The following PTPN13 variants were observed in gnomAD, a reference collection of about 807,000 sequenced individuals.
PTPN13 encodes the protein tyrosine-protein phosphatase non-receptor type 13.
Under a neutral mutation model 284.0 loss-of-function variants are expected in PTPN13, and 191 were observed. The ratio of observed to expected loss-of-function variants is 0.67; its 90% CI spans 0.60 to 0.76. The LOEUF is 0.76. PTPN13 is among the 30% of genes least tolerant of loss of function. The pLI is 0.00. For missense variants in PTPN13, 2,797 were observed against 2,939.9 expected, an observed-to-expected ratio of 0.95 and a Z score of 1.12; for synonymous variants, 986 against 1,022.3, an observed-to-expected ratio of 0.96 and a Z score of 0.68.
At chr4:86,751,889 TAGC>T (rs1208950729) in intron 19 of PTPN13, among the ~76,000 whole-genome samples, 3 of 152,090 alleles carry the variant, frequency 2.0e-5, no homozygotes, top group East Asian at 3.9e-4. Context: ...TTCTCCCAGA[TAGC>T]AGGGCATATT....
intron 8 of PTPN13, 123 bp downstream of exon 8, chr4:86,716,748 T>G: frequency 1.2e-6 from 1 of 801,414 alleles, no homozygotes; most frequent in East Asian, 2.7e-5. Flanking sequence ...TTGAAAAATT[T>G]AAAAAAGCTG....
intron 7 of PTPN13, among the ~76,000 whole-genome samples, chr4:86,712,231 G>A (rs3775238): frequency 0.15 from 22,359 of 151,636 alleles, 2,068 homozygotes; most frequent in East Asian, 0.27. Flanking sequence ...AAGAAAAATA[G>A]TTAGTAATGT....
chr4:86,665,714 C>T (rs1368769114), intron 2 of PTPN13, among the ~76,000 whole-genome samples: 4 of 152,026 alleles, frequency 2.6e-5, no homozygotes, highest in African/African-American at 7.2e-5. Flanking sequence ...TTTTTTTCTA[C>T]GTAAAAGATG....
At chr4:86,772,489 G>A (rs1423667530) in intron 31 of PTPN13, among the ~76,000 whole-genome samples, 2 of 152,116 alleles carry the variant, frequency 1.3e-5, no homozygotes, top group African/African-American at 2.4e-5. Context: ...GGGAGGCAGA[G>A]GCTGCAGTGA....
chr4:86,709,466 T>G (rs1189768704), intron 7 of PTPN13, among the ~76,000 whole-genome samples: 1 of 152,186 alleles, frequency 6.6e-6, no homozygotes, highest in Non-Finnish European at 1.5e-5. Flanking sequence ...ACAATGTGGC[T>G]ATTAAAGAAT....
rs1565481236 is a variant in PTPN13, at chr4:86,750,473, G to C, written c.2654G>C (p.Arg885Thr). Residue 885 changes from arginine to threonine, a missense_variant, in exon 18 of 48, where the codon AGA (arginine) becomes ACA (threonine). Physicochemically the swap from Arg to Thr is moderately conservative, Grantham distance 71 (BLOSUM62 -1). Transcript: ENST00000411767. ...AAGCAATCCTATTTCCTTGTAGAGA[G>C]AGCTTCGTTTAGGAGCCTGAATCTC... The part of the protein sequence containing the change: ...QSNQDAQDIE[R>T]ASFRSLNLQA... 1.2e-6 allele frequency: 2 copies of C among 1,610,960 alleles called. No individual in the cohort carries two copies. The highest frequency in any genetic ancestry group is 1.7e-5 in the Admixed American group (1 of 59,656).
At position 86,701,592 on chromosome 4, in the gene PTPN13, T is replaced by C. The variant is rs373363354; in HGVS notation, c.986T>C (p.Val329Ala). ...TATCGTCGTTGTCACCCTGAGGCAGTAACAGTGCGGACTTCAACTACTCCT... is the reference window on the plus strand; with the variant it reads ...TATCGTCGTTGTCACCCTGAGGCAGCAACAGTGCGGACTTCAACTACTCCT... ...ATYRRCHPEAVTVRTSTTPRK... is the reference protein window; with the variant it reads ...ATYRRCHPEAATVRTSTTPRK... Residue 329 changes from valine to alanine, a missense_variant, in exon 7 of 48, where the codon GTA becomes GCA. Transcript: ENST00000411767. 1.7e-5 allele frequency: 27 copies of C among 1,613,778 alleles called. No homozygotes were observed. In the Middle Eastern group the frequency reaches 4.9e-4, roughly 29 times the overall value.
chr4:86,618,850 G>T (rs572158738), intron 1 of PTPN13, among the ~76,000 whole-genome samples: 1 of 152,030 alleles, frequency 6.6e-6, no homozygotes, highest in African/African-American at 2.4e-5. Flanking sequence ...GGTTTTCTAG[G>T]TATACAATCA....
Position 86,635,256 on chromosome 4 carries a change from T to C in PTPN13, c.-1T>C. The C allele has an allele frequency of 6.3e-7, 1 of 1,595,176 alleles. No individual in the cohort carries two copies. The highest frequency in any genetic ancestry group is 1.1e-5 in the South Asian group (1 of 87,372). On this transcript the variant is annotated 5_prime_UTR_variant, in exon 2 of 48. Transcript: ENST00000411767. ...TCTGTTACCTTTGTTTCCCAGGTAA[T>C]ATGCACGTGTCACTAGCTGAGGCCC...
intron 14 of PTPN13, 74 bp downstream of exon 14, chr4:86,734,949 T>C (rs1735335062): frequency 6.8e-7 from 1 of 1,473,388 alleles, no homozygotes; most frequent in African/African-American, 1.4e-5. Context: ...TGACTAAACC[T>C]GATTCAGGTG....
chr4:86,714,973 G>A (rs1408325883), intron 7 of PTPN13, among the ~76,000 whole-genome samples: 1 of 152,128 alleles, frequency 6.6e-6, no homozygotes, highest in East Asian at 1.9e-4. Flanking sequence ...GGTCATAGAA[G>A]CTTTTAGATA....
rs1170549713 is a variant in PTPN13, at chr4:86,693,617, A to G, written c.577A>G (p.Lys193Glu). The change falls in exon 6 of 48, where the codon AAG (lysine) becomes GAG (glutamate). Residue 193 changes from lysine to glutamate, a missense_variant. Transcript: ENST00000411767. ...TDQLSCNSEQ[K>E]PDRSQAIRDR... ...TCAGCTTTCCTGTAACAGTGAACAA[A>G]AGCCTGATCGAAGCCAGGCTATTCG... 2.6e-6 allele frequency: 4 copies of G among 1,556,598 alleles called. No homozygotes were observed. Among genetic ancestry groups the G allele is most frequent in the Non-Finnish European group, 3.5e-6 (4 of 1,147,594 alleles).
At chr4:86,623,249 T>A (rs1344352394) in intron 1 of PTPN13, among the ~76,000 whole-genome samples, 1 of 152,140 alleles carries the variant, frequency 6.6e-6, no homozygotes, top group Admixed American at 6.6e-5. Context: ...GAAAAGTTTG[T>A]TCCAGTTCTC....
At chr4:86,643,115 T>G (rs1053851856) in intron 2 of PTPN13, among the ~76,000 whole-genome samples, 2 of 152,200 alleles carry the variant, frequency 1.3e-5, no homozygotes, top group Admixed American at 6.5e-5. Flanking sequence ...TATAAATCCC[T>G]TTATAAGTAG....
intron 1 of PTPN13, among the ~76,000 whole-genome samples, chr4:86,619,801 G>A (rs1336809889): frequency 6.6e-6 from 1 of 151,274 alleles, no homozygotes; most frequent in Non-Finnish European, 1.5e-5. Flanking sequence ...TCCATGATGA[G>A]GTCATGGAGA....
intron 30 of PTPN13, 55 bp from the exon 31 acceptor site, chr4:86,771,116 A>G: frequency 1.3e-6 from 2 of 1,484,264 alleles, no homozygotes; most frequent in Non-Finnish European, 1.8e-6. Flanking sequence ...TTTCAAATAA[A>G]TGCTTCTAAA....
intron 13 of PTPN13, 90 bp downstream of exon 13, chr4:86,734,546 C>T (rs1735282860): frequency 7.7e-7 from 1 of 1,295,426 alleles, no homozygotes; most frequent in Admixed American, 2.9e-5. Flanking sequence ...TGATTCCAAT[C>T]AATGATAATG....
intron 24 of PTPN13, among the ~76,000 whole-genome samples, chr4:86,764,292 C>T (rs1392496101): frequency 1.3e-5 from 2 of 152,154 alleles, no homozygotes; most frequent in East Asian, 3.9e-4. Flanking sequence ...GCAGTTTGAC[C>T]TGAAGCAAGC....
At chr4:86,745,227 A>T in intron 17 of PTPN13, 99 bp downstream of exon 17, 2 of 1,126,698 alleles carry the variant, frequency 1.8e-6, no homozygotes, top group Non-Finnish European at 2.5e-6. Context: ...GAAAACTTAC[A>T]ATGTATATAC....
Sources: gnomAD v4.1 joint callset for allele counts (sites outside exome capture counted in the v4.1 genomes callset) on GRCh38, gnomAD v4.1.1 for gene constraint, MANE v1.5 for transcripts, NCBI Gene and HGNC (gene_info 2026-07-23, HGNC 2026-07-21) for gene names.